The following IL32 variants were observed in gnomAD, a reference collection of about 807,000 sequenced individuals.
The protein encoded by IL32 is interleukin 32.
IL32 carries 30 observed loss-of-function variants against 16.6 expected under a neutral mutation model. The observed-to-expected ratio is 1.81, with a 90% CI of 1.35 to 2.45. The LOEUF is 2.45. Ranked by LOEUF, IL32 falls within the 30% of genes most tolerant of loss-of-function variation. The probability of loss-of-function intolerance (pLI) is 0.00; values close to 1 mark genes in which losing one functional copy is unlikely to be tolerated. For missense variants in IL32, 234 were observed against 229.8 expected (o/e 1.02, Z -0.12); for synonymous variants, 70 against 86.1 (o/e 0.81, Z 1.03).
chr16:3,068,222 T>C lies in IL32; in HGVS notation c.184T>C (p.Tyr62His). The C allele has an allele frequency of 4.4e-6, 7 of 1,599,146 alleles. No homozygotes were observed. The highest frequency in any genetic ancestry group is 6.0e-6 in the Non-Finnish European group (7 of 1,172,746). Residue 62 changes from tyrosine to histidine, a missense_variant, in exon 6 of 7, where the codon TAT (tyrosine) becomes CAT (histidine). By Grantham distance (83) the Tyr-to-His change is moderately conservative. Transcript: ENST00000525643. Reference protein sequence around the residue: ...EGYLETVAAYYEEQHPELTPL... With the variant: ...EGYLETVAAYHEEQHPELTPL... ...CTACCTGGAGACAGTGGCGGCTTAT[T>C]ATGAGGAGCAGCACCCAGTGAGTAT... is the stretch of plus-strand genomic sequence containing the variant.
chr16:3,066,956 ACGCAGGCCC>A (rs773899095), intron 2 of IL32, among the ~76,000 whole-genome samples: 6,310 of 142,264 alleles, frequency 0.044, 491 homozygotes, highest in South Asian at 0.11. Context: ...ACCTAGGCCC[ACGCAGGCCC>A]TGCTCTTGTG....
intron 2 of IL32, among the ~76,000 whole-genome samples, chr16:3,066,351 C>T (rs1956305269): frequency 1.3e-5 from 2 of 152,340 alleles, no homozygotes; most frequent in Admixed American, 6.5e-5. Flanking sequence ...ACCCGGAGGA[C>T]ACATGGCTCC....
chr16:3,067,425 C>T lies in IL32; in HGVS notation c.54+10C>T, dbSNP rs55756224. 15,953 of 1,596,196 alleles carry T rather than the reference C, an allele frequency of 1.0e-2. 1,361 individuals are homozygous for T. In the African/African-American group the frequency reaches 0.19, roughly 19 times the overall value. ...GCTGAAGGCCCGAATGGTAATGCTCCTCCCTACTTCTGCTCAGGGGTTGGG... is the reference window on the plus strand; with the variant it reads ...GCTGAAGGCCCGAATGGTAATGCTCTTCCCTACTTCTGCTCAGGGGTTGGG... On this transcript the variant is annotated intron_variant, in intron 3 of 6. Transcript: ENST00000525643.
intron 4 of IL32, 66 bp from the exon 5 acceptor site, chr16:3,067,918 G>C (rs1390912417): frequency 2.5e-6 from 4 of 1,581,160 alleles, no homozygotes; most frequent in South Asian, 2.2e-5. Context: ...CACTGGGCTT[G>C]AGGACTGACT....
Position 3,069,326 on chromosome 16 carries a change from A to G in IL32, c.538A>G (p.Lys180Glu). The G allele has an allele frequency of 6.2e-7, 1 of 1,608,034 alleles. No individual in the cohort carries two copies. The highest frequency in any genetic ancestry group is 2.2e-5 in the East Asian group (1 of 44,808). The change falls in exon 7 of 7, where the codon AAG (lysine) becomes GAG (glutamate). Residue 180 changes from lysine to glutamate, a missense_variant. Around this residue, in one of 3 missense-constraint regions of IL32, gnomAD observed 53 missense variants for 46.1 expected, o/e 1.15. Coordinates refer to ENST00000525643, the MANE Select transcript of IL32 (RefSeq NM_001376923.1). ...RGDKEELTPQ[K>E]CSEPQSSK is the part of the protein sequence containing the mutation. ...GGACAAGGAGGAGCTGACACCCCAG[A>G]AGTGCTCTGAACCCCAATCCTCAAA...
chr16:3,067,790 C>T lies in IL32; in HGVS notation c.114+177C>T. On this transcript the variant is annotated intron_variant, in intron 4 of 6. Coordinates refer to ENST00000525643, the MANE Select transcript of IL32 (RefSeq NM_001376923.1). ...GTGGGCGGGTGGGGGATCTGGACGC[C>T]CGGGGAGACTGAGGGAGGCATCCAA... 3.7e-6 allele frequency: 3 copies of T among 810,772 alleles called. No homozygotes were observed. The South Asian group carries it at 4.7e-5, about 13-fold the overall frequency. The allele number at this position is 810,772 out of a possible 1,614,324, so 50.2% of individuals were successfully genotyped here. A position where few individuals can be genotyped will look rare whatever the true frequency, so the allele number is the denominator to read the frequency against.
chr16:3,067,244 C>T (rs770722336), intron 2 of IL32, 133 bp from the exon 3 acceptor site: 5 of 660,618 alleles, frequency 7.6e-6, no homozygotes, highest in African/African-American at 1.8e-5. Context: ...GCTGTCTCCT[C>T]TTATCCTGTA....
chr16:3,066,302 G>A (rs1413935852), intron 2 of IL32, among the ~76,000 whole-genome samples: 1 of 152,202 alleles, frequency 6.6e-6, no homozygotes, highest in Non-Finnish European at 1.5e-5. Flanking sequence ...TGACAATAGG[G>A]GTTTCCATGA....
intron 2 of IL32, 98 bp from the exon 3 acceptor site, chr16:3,067,279 G>GTCTC: frequency 9.5e-6 from 4 of 422,720 alleles, no homozygotes; most frequent in African/African-American, 6.6e-5. Flanking sequence ...CTCTGTGTGT[G>GTCTC]TGTGTGTGTG....
chr16:3,067,730 A>G, intron 4 of IL32, 117 bp downstream of exon 4: 1 of 920,480 alleles, frequency 1.1e-6, no homozygotes, highest in Non-Finnish European at 1.7e-6. Flanking sequence ...CTCACCCCTT[A>G]CCGTGGGCAA....
Position 3,068,223 on chromosome 16 carries a change from A to G in IL32, c.185A>G (p.Tyr62Cys). 1 of 1,598,812 alleles carries G rather than the reference A, an allele frequency of 6.3e-7. No individual in the cohort carries two copies. The highest frequency in any genetic ancestry group is 8.5e-7 in the Non-Finnish European group (1 of 1,172,530). Residue 62 changes from tyrosine (Y) to cysteine (C), a missense_variant, in exon 6 of 7, where the codon TAT becomes TGT. By Grantham distance (194) the Tyr-to-Cys change is radical. Transcript: ENST00000525643. ...EGYLETVAAY[Y>C]EEQHPELTPL... ...TACCTGGAGACAGTGGCGGCTTATT[A>G]TGAGGAGCAGCACCCAGTGAGTATG...
chr16:3,067,461 T>G, intron 3 of IL32, 46 bp downstream of exon 3: 1 of 1,612,956 alleles, frequency 6.2e-7, no homozygotes. Context: ...GGCCTGGGTC[T>G]CAGCGTGTGA....
At chr16:3,066,439 A>G (rs927148403) in intron 2 of IL32, among the ~76,000 whole-genome samples, 1 of 152,166 alleles carries the variant, frequency 6.6e-6, no homozygotes, top group Non-Finnish European at 1.5e-5. Flanking sequence ...GCTGCCTGAA[A>G]GTGTGCAGAC....
At position 3,067,367 on chromosome 16, in the gene IL32, AT is replaced by A; in HGVS notation, c.16-7del. ...CACATGGAGACTGAGTGTCACCGTT[AT>A]TTCCGCAGGTCCTCTCTGATGACAT... On this transcript the variant is annotated splice_polypyrimidine_tract_variant and intron_variant, in intron 2 of 6. Transcript: ENST00000525643. 1 of 1,516,406 alleles carries A rather than the reference AT, an allele frequency of 6.6e-7. No individual in the cohort carries two copies. The highest frequency in any genetic ancestry group is 8.9e-7 in the Non-Finnish European group (1 of 1,126,656). 93.9% of individuals were successfully genotyped at this position (1,516,406 alleles called of 1,614,324 possible). A position where few individuals can be genotyped will look rare whatever the true frequency, so the allele number is the denominator to read the frequency against.
intron 2 of IL32, among the ~76,000 whole-genome samples, chr16:3,066,903 G>A (rs138492796): frequency 4.6e-5 from 7 of 151,774 alleles, no homozygotes; most frequent in African/African-American, 1.5e-4. Context: ...GTGCAGGGAG[G>A]ACACCCCGGC....
chr16:3,065,488 C>G (rs1025566749), upstream of IL32: 38 of 479,120 alleles, frequency 7.9e-5, no homozygotes, highest in Non-Finnish European at 1.3e-4. Flanking sequence ...ACCTCTGTCT[C>G]TCTCGGGTAA....
At chr16:3,065,740 C>T (rs758429758) in intron 1 of IL32, 44 bp from the exon 2 acceptor site, 3 of 1,598,904 alleles carry the variant, frequency 1.9e-6, no homozygotes, top group African/African-American at 1.3e-5. Flanking sequence ...GAGGGTGCTT[C>T]TCTGAGACAC....
intron 2 of IL32, among the ~76,000 whole-genome samples, chr16:3,066,925 C>T (rs1177347236): frequency 6.7e-6 from 1 of 149,008 alleles, no homozygotes; most frequent in African/African-American, 2.5e-5. Flanking sequence ...CACGCAGGCC[C>T]TGCTCTTGTG....
chr16:3,067,209 C>G (rs1000936896), intron 2 of IL32, among the ~76,000 whole-genome samples, 168 bp from the exon 3 acceptor site: 1 of 151,678 alleles, frequency 6.6e-6, no homozygotes, highest in Non-Finnish European at 1.5e-5. Flanking sequence ...CCGGTCTTTC[C>G]AGGCTGTGAG....
Sources: allele counts gnomAD v4.1 joint callset (sites outside exome capture counted in the v4.1 genomes callset), GRCh38; gene constraint gnomAD v4.1.1; regional missense constraint gnomAD v4.1.1; transcripts MANE v1.5; gene names NCBI Gene and HGNC (gene_info 2026-07-23, HGNC 2026-07-21).